Variants in MRPS27 observed in about 807,000 individuals in gnomAD.
The protein encoded by MRPS27 is mitochondrial ribosomal protein S27, also known as small ribosomal subunit protein mS27.
A neutral mutation model predicts 48.9 loss-of-function variants in MRPS27; 43 were observed. That is an observed-to-expected ratio of 0.88 (90% CI 0.69 to 1.13). MRPS27 has a LOEUF of 1.13. Among genes scored for constraint, MRPS27 ranks in the 50% most tolerant of loss-of-function variants. The pLI is 0.00. For synonymous variants in MRPS27, 188 were observed against 171.9 expected (o/e 1.09, Z -0.73); for missense variants, 467 against 476.3 (o/e 0.98, Z 0.18).
At chr5:72,318,367 C>CT (rs1750617020) in intron 1 of MRPS27, among the ~76,000 whole-genome samples, 1 of 152,248 alleles carries the variant, frequency 6.6e-6, no homozygotes, top group Non-Finnish European at 1.5e-5. Context: ...TGCTTACTCT[C>CT]TATTTATTAT....
chr5:72,251,278 A>C (rs1748658081), intron 4 of MRPS27, among the ~76,000 whole-genome samples: 1 of 152,218 alleles, frequency 6.6e-6, no homozygotes, highest in African/African-American at 2.4e-5. Flanking sequence ...CTCTCAAGAC[A>C]GTCTCAAATG....
intron 4 of MRPS27, among the ~76,000 whole-genome samples, chr5:72,269,824 T>A (rs1461370609): frequency 6.6e-6 from 1 of 152,158 alleles, no homozygotes; most frequent in Non-Finnish European, 1.5e-5. Flanking sequence ...GAAAAATTTC[T>A]TGGGATGGAT....
intron 4 of MRPS27, chr5:72,294,913 T>C (rs1749936084): frequency 1.3e-5 from 2 of 152,142 alleles, no homozygotes; most frequent in Non-Finnish European, 1.5e-5. Flanking sequence ...CATTGAAGCA[T>C]TGTGGATTTT....
At chr5:72,297,590 C>G in intron 3 of MRPS27, 42 bp downstream of exon 3, 1 of 1,334,566 alleles carries the variant, frequency 7.5e-7, no homozygotes, top group Non-Finnish European at 1.1e-6. Context: ...TTCTGGCTTT[C>G]TTCCTTGTTC....
intron 4 of MRPS27, among the ~76,000 whole-genome samples, chr5:72,280,462 A>T (rs1749506669): frequency 6.6e-6 from 1 of 152,196 alleles, no homozygotes; most frequent in Non-Finnish European, 1.5e-5. Context: ...AAATGATTTT[A>T]AAAATATGAA....
chr5:72,295,858 T>G (rs1428961626), intron 3 of MRPS27, among the ~76,000 whole-genome samples: 1 of 152,220 alleles, frequency 6.6e-6, no homozygotes, highest in Non-Finnish European at 1.5e-5. Context: ...AACATGAACC[T>G]TGCTCAGAAC....
chr5:72,245,227 C>A (rs1339121225), intron 4 of MRPS27, among the ~76,000 whole-genome samples: 2 of 152,192 alleles, frequency 1.3e-5, no homozygotes, highest in East Asian at 3.8e-4. Context: ...GAGGCAGTTA[C>A]TGAAGGCCAA....
At chr5:72,296,864 C>T (rs1029940317) in intron 3 of MRPS27, among the ~76,000 whole-genome samples, 3 of 152,094 alleles carry the variant, frequency 2.0e-5, no homozygotes, top group African/African-American at 4.8e-5. Flanking sequence ...TCCCATTATT[C>T]CCTGGGAGGA....
chr5:72,289,871 C>A (rs1749774632), intron 4 of MRPS27, among the ~76,000 whole-genome samples: 1 of 152,126 alleles, frequency 6.6e-6, no homozygotes. Context: ...TAATTTCATA[C>A]ATCTCTAAAC....
chr5:72,320,118 A>C (rs750324063), intron 1 of MRPS27, 31 bp downstream of exon 1: 1 of 1,604,708 alleles, frequency 6.2e-7, no homozygotes, highest in South Asian at 1.1e-5. Flanking sequence ...AAACAGAATA[A>C]TCAGGGGCCT....
chr5:72,310,821 G>A (rs1366413869), intron 2 of MRPS27, among the ~76,000 whole-genome samples: 2 of 152,156 alleles, frequency 1.3e-5, no homozygotes, highest in Non-Finnish European at 1.5e-5. Context: ...CTCTGCAGTG[G>A]AGAAATCAGA....
At chr5:72,313,626 T>G (rs2112090821) in intron 2 of MRPS27, among the ~76,000 whole-genome samples, 1 of 152,316 alleles carries the variant, frequency 6.6e-6, no homozygotes, top group Non-Finnish European at 1.5e-5. Flanking sequence ...TAACCAACTA[T>G]TTCTCTAAAC....
chr5:72,308,864 A>G (rs1190153163), intron 2 of MRPS27, among the ~76,000 whole-genome samples: 1 of 152,230 alleles, frequency 6.6e-6, no homozygotes, highest in Non-Finnish European at 1.5e-5. Context: ...ATAGAGGGCT[A>G]AAAACAAGGG....
At chr5:72,271,949 C>T (rs989118803) in intron 4 of MRPS27, among the ~76,000 whole-genome samples, 40 of 152,166 alleles carry the variant, frequency 2.6e-4, no homozygotes, top group African/African-American at 8.7e-4. Context: ...ATTATTTCTC[C>T]TCAAGCTCCA....
intron 4 of MRPS27, among the ~76,000 whole-genome samples, chr5:72,274,321 TCCAG>T (rs1749320619): frequency 6.6e-6 from 1 of 152,204 alleles, no homozygotes; most frequent in Non-Finnish European, 1.5e-5. Flanking sequence ...TCCACTGCAC[TCCAG>T]CCTGGGCGAC....
At chr5:72,230,167 T>C (rs1325053465) in intron 7 of MRPS27, among the ~76,000 whole-genome samples, 1 of 152,214 alleles carries the variant, frequency 6.6e-6, no homozygotes, top group East Asian at 1.9e-4. Flanking sequence ...AGTACTAAGA[T>C]TACAGGCATG....
intron 9 of MRPS27, 110 bp downstream of exon 9, chr5:72,225,947 A>G: frequency 1.6e-6 from 2 of 1,286,094 alleles, no homozygotes; most frequent in Non-Finnish European, 2.1e-6. Context: ...TACCTATTCT[A>G]TAGACATATA....
intron 4 of MRPS27, among the ~76,000 whole-genome samples, chr5:72,291,614 G>C (rs1318257132): frequency 1.3e-5 from 2 of 152,204 alleles, no homozygotes; most frequent in Non-Finnish European, 2.9e-5. Context: ...TAATATTATA[G>C]TCATCTGCTG....
chr5:72,309,588 GCAAA>G (rs1750383794), intron 2 of MRPS27, among the ~76,000 whole-genome samples: 1 of 152,044 alleles, frequency 6.6e-6, no homozygotes, highest in African/African-American at 2.4e-5. Context: ...TCATTATTTG[GCAAA>G]CAGTTACTGC....
Sources: gnomAD v4.1 joint callset for allele counts (sites outside exome capture counted in the v4.1 genomes callset) on GRCh38, gnomAD v4.1.1 for gene constraint, MANE v1.5 for transcripts, NCBI Gene and HGNC (gene_info 2026-07-23, HGNC 2026-07-21) for gene names.